RBFOX1: variants seen among roughly 807,000 people sequenced by gnomAD.
RBFOX1 encodes the protein RNA binding protein fox-1 homolog 1.
In RBFOX1, 8 loss-of-function variants were observed where a neutral mutation model predicts 57.7. That is an observed-to-expected ratio of 0.14 (90% CI 0.08 to 0.25). RBFOX1 has a LOEUF of 0.25. RBFOX1 is among the 10% of genes least tolerant of loss of function. RBFOX1 has a pLI of 1.00. For synonymous variants in RBFOX1, 326 were observed against 222.4 expected (o/e 1.47, Z -4.15); for missense variants, 611 against 548.5 (o/e 1.11, Z -1.14).
intron 2 of RBFOX1, among the ~76,000 whole-genome samples, chr16:6,628,068 C>A (rs1351046932): frequency 6.6e-6 from 1 of 152,156 alleles, no homozygotes; most frequent in Middle Eastern, 3.2e-3. Context: ...TGTCCATGAG[C>A]CCAGCCAGGC....
At chr16:6,901,018 C>G (rs34369620) in intron 3 of RBFOX1, among the ~76,000 whole-genome samples, 1 of 152,022 alleles carries the variant, frequency 6.6e-6, no homozygotes, top group Non-Finnish European at 1.5e-5. Context: ...ATATCCCTCC[C>G]ATTCACCGAC....
At position 7,387,731 on chromosome 16, in the gene RBFOX1, G is replaced by A. The variant is rs1201587167; in HGVS notation, c.28-130416G>A. Among the ~76,000 whole-genome samples the A allele has an allele frequency of 1.1e-4, 17 of 152,258 alleles. 1 individual carries two copies. The South Asian group carries it at 1.2e-3, about 11-fold the overall frequency. The stretch of plus-strand genomic sequence containing the variant: ...TGGGCCATCATGGTACACATCCTGC[G>A]TCAACTCCAGGCCTCCCCACAATCC... On this transcript the variant is annotated intron_variant, in intron 4 of 15. Transcript: ENST00000550418.
intron 3 of RBFOX1, among the ~76,000 whole-genome samples, chr16:6,911,886 G>C (rs1283645291): frequency 6.6e-6 from 1 of 152,124 alleles, no homozygotes; most frequent in South Asian, 2.1e-4. Context: ...CATAGTACAG[G>C]TGGTCTTCAG....
chr16:5,866,546 G>A (rs963377110), intron 3 of RBFOX1, among the ~76,000 whole-genome samples: 1 of 152,188 alleles, frequency 6.6e-6, no homozygotes, highest in Admixed American at 6.5e-5. Context: ...CTCTAGATAG[G>A]AGACCCTTTC....
chr16:6,428,470 T>C (rs189536359), intron 2 of RBFOX1, among the ~76,000 whole-genome samples: 3 of 152,292 alleles, frequency 2.0e-5, no homozygotes, highest in Admixed American at 2.0e-4. Flanking sequence ...TTTTATTCTG[T>C]ATAATAGAGG....
intron 4 of RBFOX1, among the ~76,000 whole-genome samples, chr16:7,473,409 A>G (rs1258368207): frequency 6.8e-6 from 1 of 147,978 alleles, no homozygotes; most frequent in Non-Finnish European, 1.5e-5. Context: ...TTTATATATA[A>G]TGTTATATAT....
intron 3 of RBFOX1, among the ~76,000 whole-genome samples, chr16:5,745,652 G>A (rs182610291): frequency 1.7e-3 from 260 of 152,302 alleles, no homozygotes; most frequent in African/African-American, 6.1e-3. Context: ...GTGTGAGATG[G>A]TATCTCATTG....
chr16:6,018,296 A>G (rs949975351), upstream of RBFOX1, among the ~76,000 whole-genome samples: 1 of 152,142 alleles, frequency 6.6e-6, no homozygotes, highest in African/African-American at 2.4e-5. Flanking sequence ...AGGGAGAAAT[A>G]TTGCTTTAAT....
At chr16:5,527,874 A>G (rs1212263085) in intron 2 of RBFOX1, among the ~76,000 whole-genome samples, 1 of 152,186 alleles carries the variant, frequency 6.6e-6, no homozygotes, top group Admixed American at 6.5e-5. Flanking sequence ...AGAAAATATT[A>G]GATATCGGTT....
At chr16:6,180,722 C>A (rs1257521371) in intron 1 of RBFOX1, among the ~76,000 whole-genome samples, 1 of 151,890 alleles carries the variant, frequency 6.6e-6, no homozygotes, top group East Asian at 1.9e-4. Context: ...CCCGCCACCA[C>A]ACCCAGCTAA....
At chr16:7,356,290 C>T (rs996240782) in intron 4 of RBFOX1, among the ~76,000 whole-genome samples, 4 of 152,056 alleles carry the variant, frequency 2.6e-5, no homozygotes, top group Admixed American at 1.3e-4. Context: ...CAGGCATCAT[C>T]GTTATAGATC....
chr16:6,400,693 A>G (rs1250834143), intron 2 of RBFOX1, among the ~76,000 whole-genome samples: 1 of 152,204 alleles, frequency 6.6e-6, no homozygotes, highest in East Asian at 1.9e-4. Context: ...TTCAAGTGAA[A>G]TCACTTCAAA....
At chr16:6,624,900 C>T (rs954422183) in intron 2 of RBFOX1, among the ~76,000 whole-genome samples, 8 of 152,074 alleles carry the variant, frequency 5.3e-5, no homozygotes, top group African/African-American at 9.7e-5. Context: ...CGGTTGCTCA[C>T]GCCTGTAATC....
intron 2 of RBFOX1, among the ~76,000 whole-genome samples, chr16:6,585,985 G>A (rs1469894622): frequency 6.6e-6 from 1 of 152,104 alleles, no homozygotes; most frequent in African/African-American, 2.4e-5. Context: ...TCAAAACAGT[G>A]GAATACATGT....
chr16:5,998,216 G>C (rs17646148), intron 4 of RBFOX1, among the ~76,000 whole-genome samples: 3,613 of 152,274 alleles, frequency 0.024, 94 homozygotes, highest in Middle Eastern at 0.19. Flanking sequence ...ACATACACTA[G>C]ATTCCTCTGA....
intron 1 of RBFOX1, among the ~76,000 whole-genome samples, chr16:6,315,103 T>C (rs4786096): frequency 2.0e-5 from 3 of 152,104 alleles, no homozygotes; most frequent in Non-Finnish European, 4.4e-5. Flanking sequence ...ACAATGCTAC[T>C]TGTTTTACAA....
chr16:7,145,877 G>A (rs2074861943), intron 4 of RBFOX1, among the ~76,000 whole-genome samples: 1 of 152,072 alleles, frequency 6.6e-6, no homozygotes, highest in Admixed American at 6.5e-5. Flanking sequence ...ATACAGCCTA[G>A]TTCTCTGAGG....
chr16:5,769,892 A>G (rs1460061792), intron 3 of RBFOX1, among the ~76,000 whole-genome samples: 1 of 152,206 alleles, frequency 6.6e-6, no homozygotes. Flanking sequence ...TGACAACCGT[A>G]GGAAATTCAT....
At chr16:6,745,436 A>C (rs2073356859) in intron 3 of RBFOX1, among the ~76,000 whole-genome samples, 1 of 152,208 alleles carries the variant, frequency 6.6e-6, no homozygotes, top group Non-Finnish European at 1.5e-5. Context: ...TTGACACATG[A>C]AAAGGATACT....
Sources: gnomAD v4.1 joint callset for allele counts (sites outside exome capture counted in the v4.1 genomes callset) on GRCh38, gnomAD v4.1.1 for gene constraint, MANE v1.5 for transcripts, NCBI Gene and HGNC (gene_info 2026-07-23, HGNC 2026-07-21) for gene names.